Variants in CRYBG2 observed in about 807,000 individuals in gnomAD.
The protein encoded by CRYBG2 is beta/gamma crystallin domain-containing protein 2.
In CRYBG2, 106 loss-of-function variants were observed where a neutral mutation model predicts 153.4. The observed-to-expected ratio is 0.69, with a 90% CI of 0.59 to 0.81. The LOEUF is 0.81. Among genes scored for constraint, CRYBG2 ranks in the 30% least tolerant of loss-of-function variants. The pLI, the probability that CRYBG2 is intolerant of heterozygous loss-of-function variation, is 0.00. For missense variants in CRYBG2, 1,996 were observed against 2,112.0 expected, an observed-to-expected ratio of 0.95 and a Z score of 1.08; for synonymous variants, 851 against 877.8, an observed-to-expected ratio of 0.97 and a Z score of 0.54.
At chr1:26,327,765 G>T (rs1275882130) in intron 17 of CRYBG2, among the ~76,000 whole-genome samples, 1 of 151,966 alleles carries the variant, frequency 6.6e-6, no homozygotes, top group African/African-American at 2.4e-5. Flanking sequence ...TGGCCAACAT[G>T]GTGAAACCCT....
rs752830267 is a variant in CRYBG2, at chr1:26,322,279, T to C, written c.4782A>G (p.Pro1594=). ...MSLQVIGPPS[P]GSKVVLWAES... ...CGGCCCACAGCACCACCTTGGAGCC[T>C]GGGCTAGGGGGTCCAATCACCTGTA... is the stretch of plus-strand genomic sequence containing the variant. The change falls in exon 19 of 20, where the codon CCA becomes CCG. Residue 1594 remains proline (P), a synonymous_variant. Transcript: ENST00000308182. 2.5e-6 allele frequency: 4 copies of C among 1,613,874 alleles called. No homozygotes were observed. The highest frequency in any genetic ancestry group is 3.4e-6 in the Non-Finnish European group (4 of 1,180,002).
intron 15 of CRYBG2, among the ~76,000 whole-genome samples, chr1:26,330,873 C>T (rs1286240139): frequency 6.6e-6 from 1 of 152,194 alleles, no homozygotes; most frequent in Non-Finnish European, 1.5e-5. Flanking sequence ...CTGGCACATA[C>T]TATGCACTCA....
At position 26,322,255 on chromosome 1, in the gene CRYBG2, G is replaced by A. The variant is rs915793747; in HGVS notation, c.4806C>T (p.Ala1602=). The change falls in exon 19 of 20, where the codon GCC becomes GCT. Residue 1602 remains alanine (A), a synonymous_variant. Coordinates refer to ENST00000308182, the MANE Select transcript of CRYBG2 (RefSeq NM_001039775.4). ...PSPGSKVVLW[A]ESRLPRQTWS... ...ACGTCTGGCGCGGCAGGCGGCTCTCGGCCCACAGCACCACCTTGGAGCCTG... is the reference window on the plus strand; with the variant it reads ...ACGTCTGGCGCGGCAGGCGGCTCTCAGCCCACAGCACCACCTTGGAGCCTG... The A allele has an allele frequency of 4.3e-6, 7 of 1,613,864 alleles. No individual in the cohort carries two copies. The Admixed American group carries it at 5.0e-5, about 12-fold the overall frequency.
intron 18 of CRYBG2, among the ~76,000 whole-genome samples, chr1:26,323,504 C>T (rs924872561): frequency 4.6e-5 from 7 of 152,182 alleles, no homozygotes; most frequent in African/African-American, 1.4e-4. Context: ...AGCTTCAGGA[C>T]GGCAGGTGTC....
At position 26,344,607 on chromosome 1, in the gene CRYBG2, T is replaced by C. The variant is rs2074180794; in HGVS notation, c.2051A>G (p.Asp684Gly). Residue 684 changes from aspartate to glycine, a missense_variant, in exon 2 of 20, where the codon GAC becomes GGC. By Grantham distance (94) the Asp-to-Gly change is moderately conservative. Coordinates refer to ENST00000308182, the MANE Select transcript of CRYBG2 (RefSeq NM_001039775.4). ...SLPKQDKGVQ[D>G]SEGSPISSLT... is the part of the protein sequence containing the mutation. The stretch of plus-strand genomic sequence containing the variant: ...AGATGAGATGGGGCTCCCTTCAGAG[T>C]CCTGGACCCCCTTATCCTGTTTGGG... The C allele has an allele frequency of 6.5e-7, 1 of 1,535,680 alleles. No homozygotes were observed. Among genetic ancestry groups the C allele is most frequent in the African/African-American group, 1.4e-5 (1 of 72,720 alleles).
intron 15 of CRYBG2, among the ~76,000 whole-genome samples, chr1:26,330,820 T>C (rs1401655055): frequency 6.6e-6 from 1 of 152,126 alleles, no homozygotes; most frequent in African/African-American, 2.4e-5. Context: ...ATTACAGGCA[T>C]GAGCCACCAC....
chr1:26,331,716 T>A (rs1276532349), intron 14 of CRYBG2, 98 bp from the exon 15 acceptor site: 1 of 1,504,988 alleles, frequency 6.6e-7, no homozygotes, highest in Non-Finnish European at 9.0e-7. Flanking sequence ...GACTTGATCA[T>A]GATCCCCTGT....
chr1:26,331,753 C>G, intron 14 of CRYBG2, 135 bp from the exon 15 acceptor site: 1 of 1,200,402 alleles, frequency 8.3e-7, no homozygotes, highest in South Asian at 1.4e-5. Flanking sequence ...TGAACAGGCA[C>G]TACAGCAGCA....
Position 26,336,974 on chromosome 1 carries a change from C to G in CRYBG2, c.3778G>C (p.Gly1260Arg). The G allele has an allele frequency of 6.2e-7, 1 of 1,613,608 alleles. No homozygotes were observed. Among genetic ancestry groups the G allele is most frequent in the Middle Eastern group, 1.7e-4 (1 of 5,988 alleles). ...TSLRVIRTDF[G>R]DPAVVLFEAM... is the part of the protein sequence containing the mutation. ...TCAAATAGCACGACGGCCGGGTCCCCGAAGTCCTGGGTCCCCAGGGACAGT... is the reference window on the plus strand; with the variant it reads ...TCAAATAGCACGACGGCCGGGTCCCGGAAGTCCTGGGTCCCCAGGGACAGT... Residue 1260 changes from glycine (G) to arginine (R), a missense_variant, in exon 11 of 20, where the codon GGG becomes CGG. Physicochemically the swap from Gly to Arg is moderately radical, Grantham distance 125. Coordinates refer to ENST00000308182, the MANE Select transcript of CRYBG2 (RefSeq NM_001039775.4). The surrounding 1 kb of genome is among the most constrained non-coding windows in gnomAD (Gnocchi z 4.9).
chr1:26,335,571 C>T, intron 14 of CRYBG2, among the ~76,000 whole-genome samples: 1 of 152,126 alleles, frequency 6.6e-6, no homozygotes, highest in South Asian at 2.1e-4. Flanking sequence ...GCCGAGGTGG[C>T]GGATAGCTTG....
At position 26,343,432 on chromosome 1, in the gene CRYBG2, C is replaced by A; in HGVS notation, c.2914-139G>T. The stretch of plus-strand genomic sequence containing the variant: ...AGCTGGCGCATAGAGGATGCTCACA[C>A]TTGTTCCCAACCCCCAAGGGCCTCA... On this transcript the variant is annotated intron_variant, in intron 2 of 19. Coordinates refer to ENST00000308182, the MANE Select transcript of CRYBG2 (RefSeq NM_001039775.4). The surrounding 1 kb of genome is among the most constrained non-coding windows in gnomAD (Gnocchi z 4.1). 9.1e-7 allele frequency: 1 copy of A among 1,094,152 alleles called. No individual in the cohort carries two copies. Among genetic ancestry groups the A allele is most frequent in the Non-Finnish European group, 1.3e-6 (1 of 743,512 alleles). The allele number at this position is 1,094,152 out of a possible 1,614,324, so 67.8% of individuals were successfully genotyped here.
rs2124003012 is a variant in CRYBG2, at chr1:26,343,946, A to G, written c.2712T>C (p.Leu904=). 1 of 1,539,724 alleles carries G rather than the reference A, an allele frequency of 6.5e-7. No homozygotes were observed. The change falls in exon 2 of 20, where the codon CTT becomes CTC. Residue 904 remains leucine, a synonymous_variant. Coordinates refer to ENST00000308182, the MANE Select transcript of CRYBG2 (RefSeq NM_001039775.4). The surrounding 1 kb of genome is among the most constrained non-coding windows in gnomAD (Gnocchi z 4.1). The part of the protein sequence containing the change: ...LQGGSRPTSR[L]GGSLLFGSLV... ...GACTGCCGAACAGAAGGCTGCCTCC[A>G]AGACGGGAAGTGGGCCTGCTGCCTC... is the stretch of plus-strand genomic sequence containing the variant.
chr1:26,336,430 C>G lies in CRYBG2; in HGVS notation c.4039-60G>C. 1 of 1,597,654 alleles carries G rather than the reference C, an allele frequency of 6.3e-7. No individual in the cohort carries two copies. Among genetic ancestry groups the G allele is most frequent in the East Asian group, 2.3e-5 (1 of 43,706 alleles). On this transcript the variant is annotated intron_variant, in intron 12 of 19. Transcript: ENST00000308182. This position sits in a 1 kb window ranked among gnomAD's most constrained non-coding sequence, Gnocchi z 4.9. ...GTGCCGGCCCCTAGCCTTGTCTTCT[C>G]TAGGTTTCAGTACCGTCCACCCCGC... is the stretch of plus-strand genomic sequence containing the variant.
chr1:26,335,217 C>T (rs1185303724), intron 14 of CRYBG2, among the ~76,000 whole-genome samples: 2 of 152,130 alleles, frequency 1.3e-5, no homozygotes, highest in Non-Finnish European at 2.9e-5. Context: ...TGGCTCACGC[C>T]TGTAATCCCA....
At chr1:26,342,539 A>G (rs568731665) in intron 5 of CRYBG2, among the ~76,000 whole-genome samples, 26 of 152,300 alleles carry the variant, frequency 1.7e-4, no homozygotes, top group Admixed American at 9.2e-4. Flanking sequence ...AGCTGGGATT[A>G]CAGGCGCATG....
chr1:26,349,667 A>G (rs1234428431), intron 1 of CRYBG2, among the ~76,000 whole-genome samples: 2 of 151,952 alleles, frequency 1.3e-5, no homozygotes, highest in African/African-American at 4.8e-5. Flanking sequence ...TTAATCCCCA[A>G]TGTGGTAATA....
chr1:26,338,564 A>T, intron 6 of CRYBG2, 87 bp from the exon 7 acceptor site: 1 of 1,404,796 alleles, frequency 7.1e-7, no homozygotes, highest in South Asian at 1.6e-5. Context: ...TTTAGAGTGG[A>T]AAAGGAGGTT....
intron 1 of CRYBG2, among the ~76,000 whole-genome samples, chr1:26,348,967 G>A (rs1269784298): frequency 9.2e-5 from 14 of 152,038 alleles, no homozygotes; most frequent in Non-Finnish European, 1.2e-4. Context: ...TCAGGAGTTC[G>A]AGACCAGCCT....
Position 26,344,107 on chromosome 1 carries a change from T to C in CRYBG2, c.2551A>G (p.Lys851Glu), listed in dbSNP as rs527236768. Reference protein sequence around the residue: ...DDEKLQRRQEKAGPSPSRDLH... With the variant: ...DDEKLQRRQEEAGPSPSRDLH... Reference sequence around the variant, plus strand: ...TCCCTGGAGGGGCTGGGCCCAGCTTTCTCCTGCCTGCGCTGGAGCTTCTCA... The same window carrying C: ...TCCCTGGAGGGGCTGGGCCCAGCTTCCTCCTGCCTGCGCTGGAGCTTCTCA... The change falls in exon 2 of 20, where the codon AAA becomes GAA. Residue 851 changes from lysine (K) to glutamate (E), a missense_variant. Lys to Glu is a moderately conservative substitution (Grantham distance 56, BLOSUM62 1). Coordinates refer to ENST00000308182, the MANE Select transcript of CRYBG2 (RefSeq NM_001039775.4). 2.0e-6 allele frequency: 3 copies of C among 1,536,090 alleles called. No individual in the cohort carries two copies. The highest frequency in any genetic ancestry group is 2.4e-5 in the South Asian group (2 of 84,060).
Sources: gnomAD v4.1 joint callset for allele counts (sites outside exome capture counted in the v4.1 genomes callset) on GRCh38, gnomAD v4.1.1 for gene constraint, Gnocchi (gnomAD v3.1) non-coding constraint, MANE v1.5 for transcripts, NCBI Gene and HGNC (gene_info 2026-07-23, HGNC 2026-07-21) for gene names.